Variants in PDE1A observed in about 807,000 individuals in gnomAD.
The protein encoded by PDE1A is dual specificity calcium/calmodulin-dependent 3',5'-cyclic nucleotide phosphodiesterase 1A.
Under a neutral mutation model 61.7 loss-of-function variants are expected in PDE1A, and 35 were observed. The ratio of observed to expected loss-of-function variants is 0.57; its 90% CI spans 0.43 to 0.75. The LOEUF is 0.75. Ranked by LOEUF, PDE1A falls within the 30% of genes least tolerant of loss-of-function variation. The pLI, the probability that PDE1A is intolerant of heterozygous loss-of-function variation, is 0.00. For synonymous variants in PDE1A, 232 were observed against 213.2 expected (o/e 1.09, Z -0.77); for missense variants, 597 against 630.6 (o/e 0.95, Z 0.57).
At chr2:182,199,432 T>TGTAA (rs1686421426) in intron 10 of PDE1A, among the ~76,000 whole-genome samples, 2 of 152,066 alleles carry the variant, frequency 1.3e-5, no homozygotes, top group Non-Finnish European at 1.5e-5. Context: ...TTTTTTCTAA[T>TGTAA]GTAAGTATGT....
chr2:182,329,110 G>A (rs986559891), intron 1 of PDE1A, among the ~76,000 whole-genome samples: 2 of 152,116 alleles, frequency 1.3e-5, no homozygotes, highest in African/African-American at 4.8e-5. Flanking sequence ...AATAAAAACT[G>A]TAATTCACAT....
chr2:182,601,249 T>G, the PDE1A span, among the ~76,000 whole-genome samples: 1 of 152,206 alleles, frequency 6.6e-6, no homozygotes, highest in East Asian at 1.9e-4. Flanking sequence ...CACTGGCTGC[T>G]GCAGTGTGGC....
the PDE1A span, among the ~76,000 whole-genome samples, chr2:182,687,398 C>T: frequency 2.0e-5 from 3 of 152,360 alleles, no homozygotes; most frequent in Middle Eastern, 0.01. Context: ...TCTGCAGCCT[C>T]TGCTGCTGAT....
intron 1 of PDE1A, among the ~76,000 whole-genome samples, chr2:182,405,597 C>T (rs1236716516): frequency 6.6e-6 from 1 of 152,086 alleles, no homozygotes; most frequent in Non-Finnish European, 1.5e-5. Context: ...TCCTTGTGCC[C>T]TAAAAATTTT....
chr2:182,295,199 C>G (rs572390618), intron 1 of PDE1A, among the ~76,000 whole-genome samples: 2 of 151,002 alleles, frequency 1.3e-5, no homozygotes, highest in African/African-American at 4.9e-5. Flanking sequence ...CTCAGCCTCC[C>G]GAGTAGCTGG....
intron 1 of PDE1A, chr2:182,522,508 G>A: frequency 6.7e-7 from 1 of 1,484,860 alleles, no homozygotes; most frequent in East Asian, 2.4e-5. Flanking sequence ...GATGTACAAA[G>A]CTGAGGGAAG....
chr2:182,234,949 A>G (rs1014498680), intron 3 of PDE1A, among the ~76,000 whole-genome samples: 2 of 152,210 alleles, frequency 1.3e-5, no homozygotes, highest in Non-Finnish European at 2.9e-5. Flanking sequence ...GGGGATATGT[A>G]GTATCATCAG....
chr2:182,705,504 C>CTT, the PDE1A span, among the ~76,000 whole-genome samples: 4 of 150,150 alleles, frequency 2.7e-5, no homozygotes, highest in South Asian at 6.3e-4. Context: ...AGGGCTAAGT[C>CTT]TTTTTTTTTT....
chr2:182,708,188 T>A, the PDE1A span, among the ~76,000 whole-genome samples: 1 of 152,066 alleles, frequency 6.6e-6, no homozygotes, highest in African/African-American at 2.4e-5. Flanking sequence ...GCTCCCCAGA[T>A]TCAAATTCCA....
the PDE1A span, among the ~76,000 whole-genome samples, chr2:182,566,632 T>A: frequency 0.34 from 52,363 of 151,886 alleles, 10,578 homozygotes; most frequent in East Asian, 0.56. Context: ...GGCTTCAGTG[T>A]TAGTTATTTA....
chr2:182,428,675 A>T (rs1177259723), upstream of PDE1A, among the ~76,000 whole-genome samples: 1 of 152,134 alleles, frequency 6.6e-6, no homozygotes, highest in Admixed American at 6.6e-5. Flanking sequence ...GCACATAAGA[A>T]ATAACACATT....
rs562772595 is a variant in PDE1A at position 182,354,795 on chromosome 2, C to A, written c.53+71783G>T. The stretch of plus-strand genomic sequence containing the variant: ...TTAGTACCTACTATTACTTTAAAGA[C>A]CATTTTTAAAAGAACGCTGGAACCT... On this transcript the variant is annotated intron_variant, in intron 1 of 13. Coordinates refer to ENST00000351439, the Ensembl canonical transcript of PDE1A. Among the ~76,000 whole-genome samples, 26 of 152,136 alleles carry A rather than the reference C, an allele frequency of 1.7e-4. No homozygotes were observed. The South Asian group carries it at 5.0e-3, about 29-fold the overall frequency.
intron 1 of PDE1A, among the ~76,000 whole-genome samples, chr2:182,316,759 C>T (rs833124): frequency 0.27 from 40,264 of 151,792 alleles, 5,371 homozygotes; most frequent in Middle Eastern, 0.41. Flanking sequence ...TCTGAATATA[C>T]GAAAACATTT....
chr2:182,277,281 A>C (rs1224164868), intron 1 of PDE1A, among the ~76,000 whole-genome samples: 1 of 152,044 alleles, frequency 6.6e-6, no homozygotes, highest in African/African-American at 2.4e-5. Context: ...TCACCCCTGG[A>C]GTCCCAGCTG....
At chr2:182,688,948 T>G in the PDE1A span, among the ~76,000 whole-genome samples, 1 of 152,060 alleles carries the variant, frequency 6.6e-6, no homozygotes, top group Non-Finnish European at 1.5e-5. Context: ...TACATAATGA[T>G]AAAGGGATCA....
intron 1 of PDE1A, among the ~76,000 whole-genome samples, chr2:182,296,009 C>T (rs969397207): frequency 3.3e-5 from 5 of 152,132 alleles, no homozygotes; most frequent in African/African-American, 9.7e-5. Context: ...AAACATAAAA[C>T]TCTGAGTTCA....
At chr2:182,561,037 C>T in the PDE1A span, among the ~76,000 whole-genome samples, 1 of 146,108 alleles carries the variant, frequency 6.8e-6, no homozygotes, top group Non-Finnish European at 1.5e-5. Context: ...GTTTCTTTTG[C>T]TGTGCAGAAG....
At position 182,337,677 on chromosome 2, in the gene PDE1A, T is replaced by C. The variant is rs1011557787; in HGVS notation, c.54-73263A>G. Among the ~76,000 whole-genome samples the C allele has an allele frequency of 1.1e-4, 17 of 152,174 alleles. 1 individual carries two copies. The highest frequency in any genetic ancestry group is 6.3e-3 in the Middle Eastern group (2 of 316). ...ATTTCCTTTCCCCATCCATGGTCAA[T>C]AACCTTCGACAGCTGATCTAAAAAG... is the stretch of plus-strand genomic sequence containing the variant. On this transcript the variant is annotated intron_variant, in intron 1 of 13. Transcript: ENST00000351439.
chr2:182,598,309 C>T, the PDE1A span, among the ~76,000 whole-genome samples: 7 of 152,202 alleles, frequency 4.6e-5, no homozygotes, highest in African/African-American at 7.2e-5. Context: ...CAGTGGATCA[C>T]GCCTGTAATT....
Sources: gnomAD v4.1 joint callset for allele counts (sites outside exome capture counted in the v4.1 genomes callset) on GRCh38, gnomAD v4.1.1 for gene constraint, MANE v1.5 for transcripts, NCBI Gene and HGNC (gene_info 2026-07-23, HGNC 2026-07-21) for gene names.